The following HTR2C variants were observed in gnomAD, a reference collection of about 807,000 sequenced individuals.
HTR2C encodes 5-hydroxytryptamine receptor 2C.
A neutral mutation model predicts 21.0 loss-of-function variants in HTR2C; 5 were observed. That is an observed-to-expected ratio of 0.24 (90% CI 0.12 to 0.50). The LOEUF (loss-of-function observed/expected upper bound fraction) is 0.50. Ranked by LOEUF, HTR2C falls within the 20% of genes least tolerant of loss-of-function variation. The pLI, the probability that HTR2C is intolerant of heterozygous loss-of-function variation, is 0.98. For synonymous variants in HTR2C, 150 were observed against 145.3 expected (o/e 1.03, Z -0.23); for missense variants, 271 against 371.2 (o/e 0.73, Z 2.22).
intron 4 of HTR2C, among the ~76,000 whole-genome samples, chrX:114,799,074 C>G (rs1353023927): frequency 1.8e-5 from 2 of 109,317 alleles, no homozygotes; most frequent in African/African-American, 6.6e-5. Flanking sequence ...GCAGAGTAGT[C>G]TAGATCAAGT....
intron 4 of HTR2C, among the ~76,000 whole-genome samples, chrX:114,809,006 C>T (rs1602825036): frequency 9.0e-6 from 1 of 111,360 alleles, no homozygotes; most frequent in Middle Eastern, 4.7e-3. Context: ...TGGCTACTGT[C>T]TATGTTTGCT....
At chrX:114,746,752 G>C (rs1556426218) in intron 4 of HTR2C, among the ~76,000 whole-genome samples, 1 of 111,023 alleles carries the variant, frequency 9.0e-6, no homozygotes, top group South Asian at 3.8e-4. Context: ...TTGGGAGGCT[G>C]AGGCAGGTGG....
chrX:114,842,366 A>G (rs2070841172), intron 4 of HTR2C, among the ~76,000 whole-genome samples: 1 of 112,044 alleles, frequency 8.9e-6, no homozygotes, highest in Admixed American at 9.5e-5. Flanking sequence ...GTTTTGCCTG[A>G]CTCAGAGCAT....
intron 4 of HTR2C, among the ~76,000 whole-genome samples, chrX:114,768,017 T>C (rs1432603043): frequency 1.8e-5 from 2 of 111,018 alleles, no homozygotes; most frequent in African/African-American, 6.5e-5. Context: ...AAAAAGGAAA[T>C]TGCTCAATAG....
In HTR2C at chrX:114,613,884, A is replaced by G. The variant is rs1928845752; in HGVS notation, c.-80+3A>G. The G allele has an allele frequency of 8.9e-6, 1 of 111,797 alleles. No individual in the cohort carries two copies. Among genetic ancestry groups the G allele is most frequent in the African/African-American group, 3.3e-5 (1 of 30,621 alleles). The allele number at this position is 111,797 out of a possible 1,213,427, so 9.2% of individuals were successfully genotyped here. A position where few individuals can be genotyped will look rare whatever the true frequency, so the allele number is the denominator to read the frequency against. On this transcript the variant is annotated splice_donor_region_variant and intron_variant, in intron 2 of 5. Coordinates refer to ENST00000276198, the MANE Select transcript of HTR2C (RefSeq NM_000868.4). ...GACGCCATCCTTCAAAAACAACTGT[A>G]AGTATACACATAAGCGTGCCTCAAG... is the stretch of plus-strand genomic sequence containing the variant.
intron 2 of HTR2C, among the ~76,000 whole-genome samples, chrX:114,706,754 T>C (rs1393137769): frequency 3.6e-5 from 4 of 110,463 alleles, no homozygotes; most frequent in African/African-American, 1.3e-4. Context: ...AAAAGTATGG[T>C]CTATAAAAAT....
At chrX:114,637,369 C>G (rs1929880624) in intron 2 of HTR2C, among the ~76,000 whole-genome samples, 1 of 111,063 alleles carries the variant, frequency 9.0e-6, no homozygotes, top group Non-Finnish European at 1.9e-5. Context: ...ATAAAGCACT[C>G]AAAACTTTGA....
intron 5 of HTR2C, among the ~76,000 whole-genome samples, chrX:114,863,669 T>C (rs1556473683): frequency 9.0e-6 from 1 of 111,569 alleles, no homozygotes; most frequent in Non-Finnish European, 1.9e-5. Context: ...AAAGTGCAAT[T>C]GAAATCCAGT....
rs1569495502 is a variant in HTR2C, at chrX:114,805,615, CATATATATACCATATATATACCAT to C, written c.350-42380_350-42357del. The stretch of plus-strand genomic sequence containing the variant: ...ATATATATACCATATATATACACAT[CATATATATACCATATATATACCAT>C]ATATATACACCATATATATACCATA... On this transcript the variant is annotated intron_variant, in intron 4 of 5. Transcript: ENST00000276198. Among the ~76,000 whole-genome samples, 28 of 7,862 alleles carry C rather than the reference CATATATATACCATATATATACCAT, an allele frequency of 3.6e-3. 11 individuals are homozygous for C. The highest frequency in any genetic ancestry group is 9.5e-3 in the Admixed American group (3 of 317). 6.8% of individuals were successfully genotyped at this position (7,862 alleles called of 115,157 possible).
rs781896215 is a variant in HTR2C, at chrX:114,731,433, T to C, written c.175T>C (p.Ser59Pro). The change falls in exon 4 of 6, where the codon TCA (serine) becomes CCA (proline). Residue 59 changes from serine to proline, a missense_variant. Ser to Pro is a moderately conservative substitution (Grantham distance 74). Transcript: ENST00000276198. The part of the protein sequence containing the change: ...PDGVQNWPAL[S>P]IVIIIIMTIG... ...CGGGGTACAAAACTGGCCAGCACTT[T>C]CAATCGTCATCATAATAATCATGAC... The C allele has an allele frequency of 8.3e-7, 1 of 1,210,330 alleles. No homozygotes were observed. Among genetic ancestry groups the C allele is most frequent in the Non-Finnish European group, 1.1e-6 (1 of 894,793 alleles).
chrX:114,643,495 G>T (rs1556406843), intron 2 of HTR2C, among the ~76,000 whole-genome samples: 1 of 111,009 alleles, frequency 9.0e-6, no homozygotes, highest in Non-Finnish European at 1.9e-5. Flanking sequence ...ATGAACCACA[G>T]TTAAATTGGA....
chrX:114,741,957 G>C (rs1386779184), intron 4 of HTR2C, among the ~76,000 whole-genome samples: 3 of 110,697 alleles, frequency 2.7e-5, no homozygotes, highest in Non-Finnish European at 3.8e-5. Flanking sequence ...TGGTAGCCCA[G>C]GAGTGGTTTA....
At chrX:114,672,396 A>C (rs1421427149) in intron 2 of HTR2C, among the ~76,000 whole-genome samples, 1 of 111,130 alleles carries the variant, frequency 9.0e-6, no homozygotes, top group Non-Finnish European at 1.9e-5. Context: ...TCTCAAAAAA[A>C]AAATCGTATT....
chrX:114,840,569 C>G (rs1556465294), intron 4 of HTR2C, among the ~76,000 whole-genome samples: 1 of 110,639 alleles, frequency 9.0e-6, no homozygotes, highest in Admixed American at 9.6e-5. Context: ...TGATTTGAGA[C>G]CCAGAGAATG....
chrX:114,908,220 G>T lies in HTR2C; in HGVS notation c.*805G>T, dbSNP rs1556487702. The T allele has an allele frequency of 1.8e-5, 2 of 112,465 alleles. No individual in the cohort carries two copies. The highest frequency in any genetic ancestry group is 3.2e-5 in the African/African-American group (1 of 30,952). The allele number at this position is 112,465 out of a possible 1,213,427, so 9.3% of individuals were successfully genotyped here. On this transcript the variant is annotated 3_prime_UTR_variant, in exon 6 of 6. Transcript: ENST00000276198. ...GTCCTTAGTAAATTCCTAATTCTATGATTAAACTGGGAAATGAGATCCCAG... is the reference window on the plus strand; with the variant it reads ...GTCCTTAGTAAATTCCTAATTCTATTATTAAACTGGGAAATGAGATCCCAG...
chrX:114,587,650 T>A (rs916507886), intron 1 of HTR2C, among the ~76,000 whole-genome samples: 18 of 112,267 alleles, frequency 1.6e-4, no homozygotes, highest in African/African-American at 5.5e-4. Context: ...CTAGGCTACC[T>A]ATGTCATTTC....
At chrX:114,722,697 C>A (rs1336127221) in intron 2 of HTR2C, among the ~76,000 whole-genome samples, 1 of 104,554 alleles carries the variant, frequency 9.6e-6, no homozygotes, top group Non-Finnish European at 2.0e-5. Context: ...CCATCAATAC[C>A]TAATTTATTG....
At chrX:114,842,504 G>A (rs5988146) in intron 4 of HTR2C, among the ~76,000 whole-genome samples, 4,608 of 111,995 alleles carry the variant, frequency 0.041, 243 homozygotes, top group African/African-American at 0.14. Flanking sequence ...AATGGCCTGG[G>A]AAGAAAGAGG....
intron 4 of HTR2C, among the ~76,000 whole-genome samples, chrX:114,783,114 T>C (rs782794285): frequency 1.3e-4 from 14 of 111,618 alleles, no homozygotes; most frequent in Admixed American, 6.7e-4. Context: ...ATGTAAATGG[T>C]CTAAAATTTC....
Sources: gnomAD v4.1 joint callset for allele counts (sites outside exome capture counted in the v4.1 genomes callset) on GRCh38, gnomAD v4.1.1 for gene constraint, MANE v1.5 for transcripts, NCBI Gene and HGNC (gene_info 2026-07-23, HGNC 2026-07-21) for gene names.